Variants in CSGALNACT1 observed in about 807,000 individuals in gnomAD.
CSGALNACT1 encodes beta4GalNAcT-1.
A neutral mutation model predicts 51.0 loss-of-function variants in CSGALNACT1; 52 were observed. That is an observed-to-expected ratio of 1.02 (90% CI 0.82 to 1.29). The LOEUF is 1.29. Among genes scored for constraint, CSGALNACT1 ranks in the 50% most tolerant of loss-of-function variants. The pLI, the probability that CSGALNACT1 is intolerant of heterozygous loss-of-function variation, is 0.00. For missense variants in CSGALNACT1, 935 were observed against 679.2 expected, an observed-to-expected ratio of 1.38 and a Z score of -4.19; for synonymous variants, 341 against 254.4, an observed-to-expected ratio of 1.34 and a Z score of -3.24.
At chr8:19,618,136 C>T (rs982583609) in intron 1 of CSGALNACT1, among the ~76,000 whole-genome samples, 24 of 152,222 alleles carry the variant, frequency 1.6e-4, no homozygotes, top group South Asian at 8.3e-4. Context: ...GCCTCACCCC[C>T]CCGACAAAGC....
At chr8:19,562,032 G>A (rs112067041) in intron 3 of CSGALNACT1, among the ~76,000 whole-genome samples, 24 of 152,212 alleles carry the variant, frequency 1.6e-4, no homozygotes, top group African/African-American at 5.3e-4. Context: ...TCTGGATGGA[G>A]CTCCTACCAA....
upstream of CSGALNACT1, among the ~76,000 whole-genome samples, chr8:19,687,168 T>C (rs2061023579): frequency 1.3e-5 from 2 of 152,218 alleles, no homozygotes; most frequent in East Asian, 1.9e-4. Flanking sequence ...TTTACCACAA[T>C]GCAGTCAATA....
chr8:19,751,008 G>C (rs2064994539), intron 1 of CSGALNACT1, among the ~76,000 whole-genome samples: 1 of 152,154 alleles, frequency 6.6e-6, no homozygotes, highest in Admixed American at 6.5e-5. Flanking sequence ...TGCTGAAGCA[G>C]ACCCTCTGAT....
intron 1 of CSGALNACT1, among the ~76,000 whole-genome samples, chr8:19,675,878 A>G (rs1042375847): frequency 3.3e-5 from 5 of 152,106 alleles, no homozygotes; most frequent in African/African-American, 1.2e-4. Flanking sequence ...TCAAAGCGAT[A>G]TAACAGAGAC....
chr8:19,440,057 G>T (rs569898148), intron 5 of CSGALNACT1, 126 bp from the exon 5 acceptor site: 4 of 767,136 alleles, frequency 5.2e-6, no homozygotes, highest in Non-Finnish European at 9.1e-6. Flanking sequence ...CAGGAGAGCC[G>T]AGATGGGAAT....
chr8:19,649,399 G>C (rs1188215955), intron 1 of CSGALNACT1, among the ~76,000 whole-genome samples: 1 of 152,082 alleles, frequency 6.6e-6, no homozygotes, highest in African/African-American at 2.4e-5. Context: ...CTATACATGA[G>C]CGTGATCTGT....
At chr8:19,423,284 A>T (rs1395326972) in intron 6 of CSGALNACT1, among the ~76,000 whole-genome samples, 1 of 152,234 alleles carries the variant, frequency 6.6e-6, no homozygotes, top group Non-Finnish European at 1.5e-5. Flanking sequence ...CAAAAGTTAA[A>T]TCATGTTGAG....
chr8:19,435,044 C>A (rs1042645964), intron 6 of CSGALNACT1, among the ~76,000 whole-genome samples: 1 of 152,168 alleles, frequency 6.6e-6, no homozygotes, highest in African/African-American at 2.4e-5. Context: ...CACATACACT[C>A]TGGCAGGGCA....
At chr8:19,666,715 G>C (rs1467284676) in intron 1 of CSGALNACT1, among the ~76,000 whole-genome samples, 2 of 141,330 alleles carry the variant, frequency 1.4e-5, no homozygotes, top group Non-Finnish European at 3.1e-5. Context: ...AGAGAGAAAA[G>C]ACACAAAGAA....
chr8:19,747,764 G>C (rs1362992744), intron 1 of CSGALNACT1, among the ~76,000 whole-genome samples: 1 of 151,736 alleles, frequency 6.6e-6, no homozygotes, highest in East Asian at 1.9e-4. Context: ...TCTCCACCAA[G>C]CTAGTTTCCT....
intron 3 of CSGALNACT1, among the ~76,000 whole-genome samples, chr8:19,563,981 C>T (rs545620372): frequency 6.6e-6 from 1 of 152,162 alleles, no homozygotes; most frequent in South Asian, 2.1e-4. Context: ...TCTGTCTCCA[C>T]GGCTCTCCAC....
intron 1 of CSGALNACT1, among the ~76,000 whole-genome samples, chr8:19,639,735 G>A (rs1013043227): frequency 7.2e-5 from 11 of 152,074 alleles, no homozygotes; most frequent in African/African-American, 1.2e-4. Context: ...CATCCACAAC[G>A]TGCAACTGCT....
upstream of CSGALNACT1, among the ~76,000 whole-genome samples, chr8:19,604,973 G>T (rs1234804989): frequency 6.6e-6 from 1 of 150,890 alleles, no homozygotes; most frequent in Non-Finnish European, 1.5e-5. Flanking sequence ...GCATGGAAGT[G>T]GTAGCTAGGT....
At chr8:19,542,919 T>C (rs2085565496) in intron 3 of CSGALNACT1, among the ~76,000 whole-genome samples, 2 of 152,126 alleles carry the variant, frequency 1.3e-5, no homozygotes, top group South Asian at 4.1e-4. Flanking sequence ...TTCATTTGGG[T>C]TTTCCTACTT....
At chr8:19,673,792 A>C (rs1393728029) in intron 1 of CSGALNACT1, among the ~76,000 whole-genome samples, 1 of 152,246 alleles carries the variant, frequency 6.6e-6, no homozygotes, top group African/African-American at 2.4e-5. Context: ...AATAGAAATT[A>C]ACCCTATGAA....
At chr8:19,566,501 A>G (rs969850117) in intron 3 of CSGALNACT1, among the ~76,000 whole-genome samples, 1 of 152,246 alleles carries the variant, frequency 6.6e-6, no homozygotes, top group African/African-American at 2.4e-5. Flanking sequence ...ACCAACACGC[A>G]CACTTAATGG....
At position 19,505,927 on chromosome 8, in the gene CSGALNACT1, G is replaced by A. The variant is rs531204239; in HGVS notation, c.-93C>T. 3.6e-5 allele frequency: 54 copies of A among 1,518,386 alleles called. No homozygotes were observed. The East Asian group carries it at 5.2e-4, about 15-fold the overall frequency. The allele number at this position is 1,518,386 out of a possible 1,614,324, so 94.1% of individuals were successfully genotyped here. A position where few individuals can be genotyped will look rare whatever the true frequency, so the allele number is the denominator to read the frequency against. On this transcript the variant is annotated 5_prime_UTR_variant, in exon 4 of 10. Transcript: ENST00000454498. ...CCCTGGGCTAGACCACAGGAAGCAT[G>A]CGTTTGGGGCCCCCGGAGCTGCTTG...
At chr8:19,725,879 C>G (rs563375222) in intron 1 of CSGALNACT1, among the ~76,000 whole-genome samples, 2 of 152,144 alleles carry the variant, frequency 1.3e-5, no homozygotes, top group African/African-American at 4.8e-5. Context: ...ATTTGTTACA[C>G]TTGAACTTAC....
rs887306225 is a variant in CSGALNACT1 at position 19,451,364 on chromosome 8, C to T, written c.851+7062G>A. Reference sequence around the variant, plus strand: ...CCCTCTTCCCATATTGTTATTGAGTCCTTGTTCATTGAACTTTATAAAAAT... The same window carrying T: ...CCCTCTTCCCATATTGTTATTGAGTTCTTGTTCATTGAACTTTATAAAAAT... On this transcript the variant is annotated intron_variant, in intron 5 of 9. Coordinates refer to ENST00000454498, the Ensembl canonical transcript of CSGALNACT1. 2.6e-5 allele frequency among the ~76,000 whole-genome samples: 4 copies of T among 152,102 alleles called. No homozygotes were observed. The South Asian group carries it at 8.3e-4, about 32-fold the overall frequency.
Sources: gnomAD v4.1 joint callset for allele counts (sites outside exome capture counted in the v4.1 genomes callset) on GRCh38, gnomAD v4.1.1 for gene constraint, MANE v1.5 for transcripts, NCBI Gene and HGNC (gene_info 2026-07-23, HGNC 2026-07-21) for gene names.